BARD1: variants seen among roughly 807,000 people sequenced by gnomAD.
The protein encoded by BARD1 is BRCA1 associated RING domain 1.
In BARD1, 73 loss-of-function variants were observed where a neutral mutation model predicts 77.0. The observed-to-expected ratio is 0.95, with a 90% CI of 0.79 to 1.15. The LOEUF is 1.15. BARD1 is among the 50% of genes most tolerant of loss of function. The probability of loss-of-function intolerance (pLI) is 0.00; values close to 1 mark genes in which losing one functional copy is unlikely to be tolerated. For synonymous variants in BARD1, 384 were observed against 338.0 expected (o/e 1.14, Z -1.49); for missense variants, 993 against 938.8 (o/e 1.06, Z -0.75).
At chr2:214,770,910 A>G (rs948500703) in intron 4 of BARD1, among the ~76,000 whole-genome samples, 1 of 152,166 alleles carries the variant, frequency 6.6e-6, no homozygotes, top group African/African-American at 2.4e-5. Context: ...TTGGCCCTTC[A>G]TGTAATGTGG....
chr2:214,807,548 A>G (rs1222494361), intron 1 of BARD1, among the ~76,000 whole-genome samples: 1 of 152,216 alleles, frequency 6.6e-6, no homozygotes. Flanking sequence ...ACATACATGT[A>G]AAATTTCATT....
chr2:214,806,897 C>T (rs78027379), intron 1 of BARD1, among the ~76,000 whole-genome samples: 3 of 134,046 alleles, frequency 2.2e-5, no homozygotes, highest in Admixed American at 7.6e-5. Flanking sequence ...AAAAAAGGCA[C>T]CCCATGTGAT....
chr2:214,769,211 G>A (rs2106080965), intron 5 of BARD1, 21 bp downstream of exon 5: 3 of 1,585,190 alleles, frequency 1.9e-6, no homozygotes, highest in Middle Eastern at 1.7e-4. Flanking sequence ...GAAAGAATGA[G>A]AATAAAAACC....
intron 9 of BARD1, among the ~76,000 whole-genome samples, chr2:214,742,118 C>G (rs1358352576): frequency 2.0e-5 from 3 of 152,104 alleles, no homozygotes; most frequent in Non-Finnish European, 2.9e-5. Flanking sequence ...AAACATGAGA[C>G]CTAGTTTTAA....
intron 1 of BARD1, among the ~76,000 whole-genome samples, chr2:214,805,767 GA>G (rs113953659): frequency 1.4e-3 from 201 of 142,858 alleles, no homozygotes; most frequent in South Asian, 4.0e-3. Context: ...CAAGAACTCA[GA>G]AAAAAAAAAA....
At chr2:214,793,666 A>T (rs987574774) in intron 2 of BARD1, among the ~76,000 whole-genome samples, 1 of 152,188 alleles carries the variant, frequency 6.6e-6, no homozygotes, top group African/African-American at 2.4e-5. Context: ...CTTGTCCAGC[A>T]CTGCACTAGT....
intron 6 of BARD1, among the ~76,000 whole-genome samples, chr2:214,754,767 A>G (rs1176360439): frequency 6.6e-6 from 1 of 152,142 alleles, no homozygotes; most frequent in Non-Finnish European, 1.5e-5. Context: ...ACAATTCACT[A>G]AACTCTTAGC....
At chr2:214,808,194 G>C (rs1696364280) in intron 1 of BARD1, among the ~76,000 whole-genome samples, 1 of 152,180 alleles carries the variant, frequency 6.6e-6, no homozygotes, top group African/African-American at 2.4e-5. Context: ...CGGATCACGA[G>C]GTCAGGAGAC....
intron 6 of BARD1, among the ~76,000 whole-genome samples, chr2:214,755,374 T>G (rs933487362): frequency 2.0e-5 from 3 of 152,168 alleles, no homozygotes; most frequent in Non-Finnish European, 4.4e-5. Context: ...TAAATACACT[T>G]AAATATAGTA....
chr2:214,734,900 A>G (rs1458363657), intron 9 of BARD1, among the ~76,000 whole-genome samples: 2 of 152,284 alleles, frequency 1.3e-5, no homozygotes, highest in East Asian at 3.9e-4. Flanking sequence ...GTCAATGCTC[A>G]TTATCTACAG....
intron 10 of BARD1, among the ~76,000 whole-genome samples, chr2:214,729,550 T>C (rs1692257702): frequency 6.6e-6 from 1 of 152,190 alleles, no homozygotes; most frequent in Non-Finnish European, 1.5e-5. Context: ...GGCTTCCTAT[T>C]TACAATTTTT....
rs1043390335 is a variant in BARD1, at chr2:214,726,493, T to C, written c.*2183A>G. 9.6e-5 allele frequency: 21 copies of C among 218,196 alleles called. No homozygotes were observed. The highest frequency in any genetic ancestry group is 1.7e-4 in the Non-Finnish European group (19 of 108,704). 13.5% of individuals were successfully genotyped at this position (218,196 alleles called of 1,614,324 possible). On this transcript the variant is annotated 3_prime_UTR_variant, in exon 11 of 11. Transcript: ENST00000260947. ...TAAAGTATCTAGTACACTTTAGAAA[T>C]ATTTTTATTCAAAATTAATTAAAAA...
rs1179086629 is a variant in BARD1, at chr2:214,745,640, T to G, written c.1810+82A>C. 3.9e-6 allele frequency: 6 copies of G among 1,533,026 alleles called. No homozygotes were observed. In the African/African-American group the frequency reaches 8.2e-5, roughly 21 times the overall value. The allele number at this position is 1,533,026 out of a possible 1,614,324, so 95.0% of individuals were successfully genotyped here. ...CATCTCCCAATGGTTAAAACATATG[T>G]AAATTATCAAAGGTAGTTCTCCAAA... On this transcript the variant is annotated intron_variant, in intron 8 of 10. Transcript: ENST00000260947.
intron 9 of BARD1, among the ~76,000 whole-genome samples, chr2:214,743,858 C>A (rs565279020): frequency 1.3e-5 from 2 of 152,254 alleles, no homozygotes; most frequent in African/African-American, 4.8e-5. Flanking sequence ...CCGTGCCTGG[C>A]CTGATTTCAC....
At chr2:214,740,718 C>T (rs1692783988) in intron 9 of BARD1, among the ~76,000 whole-genome samples, 2 of 151,952 alleles carry the variant, frequency 1.3e-5, no homozygotes, top group African/African-American at 2.4e-5. Context: ...ATATTCTCTA[C>T]TTCTTGCTGT....
chr2:214,798,772 GAAAAAAAAA>G, intron 1 of BARD1, among the ~76,000 whole-genome samples: 1 of 127,498 alleles, frequency 7.8e-6, no homozygotes, highest in South Asian at 2.6e-4. Flanking sequence ...ATTAAAAAAA[GAAAAAAAAA>G]AAAAAAAAAG....
intron 9 of BARD1, among the ~76,000 whole-genome samples, chr2:214,740,472 T>C (rs1430159312): frequency 2.0e-5 from 3 of 152,072 alleles, no homozygotes; most frequent in East Asian, 3.8e-4. Flanking sequence ...TATAAACAAA[T>C]AGTCCTCTTC....
chr2:214,805,966 C>T (rs1389573792), intron 1 of BARD1, among the ~76,000 whole-genome samples: 1 of 152,178 alleles, frequency 6.6e-6, no homozygotes, highest in African/African-American at 2.4e-5. Context: ...GCTCCTATTA[C>T]CATTTCCTGC....
At chr2:214,751,734 A>T (rs7608880) in intron 7 of BARD1, among the ~76,000 whole-genome samples, 3,979 of 152,204 alleles carry the variant, frequency 0.026, 183 homozygotes, top group African/African-American at 0.091. Context: ...GGCACATAGA[A>T]CTATTGATTT....
Sources: gnomAD v4.1 joint callset for allele counts (sites outside exome capture counted in the v4.1 genomes callset) on GRCh38, gnomAD v4.1.1 for gene constraint, MANE v1.5 for transcripts, NCBI Gene and HGNC (gene_info 2026-07-23, HGNC 2026-07-21) for gene names.